ZBTB20: variants seen among roughly 807,000 people sequenced by gnomAD.
The protein encoded by ZBTB20 is zinc finger and BTB domain-containing protein 20.
In ZBTB20, 9 loss-of-function variants were observed where a neutral mutation model predicts 56.9. The ratio of observed to expected loss-of-function variants is 0.16; its 90% CI spans 0.10 to 0.28. ZBTB20 has a LOEUF of 0.28. ZBTB20 is among the 10% of genes least tolerant of loss of function. The pLI is 1.00. For missense variants in ZBTB20, 655 were observed against 1,003.0 expected, an observed-to-expected ratio of 0.65 and a Z score of 4.69; for synonymous variants, 417 against 420.7, an observed-to-expected ratio of 0.99 and a Z score of 0.11.
chr3:114,878,681 C>T (rs1217494191), intron 4 of ZBTB20, among the ~76,000 whole-genome samples: 1 of 151,882 alleles, frequency 6.6e-6, no homozygotes, highest in African/African-American at 2.4e-5. Context: ...TGACTCTTCT[C>T]TCTGTAGCTC....
At chr3:114,786,384 C>T (rs564225193) in intron 5 of ZBTB20, among the ~76,000 whole-genome samples, 8 of 152,018 alleles carry the variant, frequency 5.3e-5, no homozygotes, top group African/African-American at 1.9e-4. Context: ...TGAGTGAGAA[C>T]ATGCGGTGTT....
chr3:114,774,650 C>A (rs752577429), intron 5 of ZBTB20, among the ~76,000 whole-genome samples: 1 of 152,096 alleles, frequency 6.6e-6, no homozygotes, highest in South Asian at 2.1e-4. Flanking sequence ...TAACAAATCT[C>A]GCCAACTCTC....
Position 114,900,351 on chromosome 3 carries a change from T to A in ZBTB20, c.-455-9A>T, listed in dbSNP as rs1396730912. 2 of 27,572 alleles carry A rather than the reference T, an allele frequency of 7.3e-5. No homozygotes were observed. Among genetic ancestry groups the A allele is most frequent in the Non-Finnish European group, 1.9e-4 (2 of 10,726 alleles). 1.7% of individuals were successfully genotyped at this position (27,572 alleles called of 1,614,324 possible). ...CTTGCAATTCATCAATTCTGAAATG[T>A]AAAAGAAATATATAAGTAAAAATTA... On this transcript the variant is annotated splice_polypyrimidine_tract_variant and intron_variant, in intron 3 of 11. Coordinates refer to ENST00000675478, the MANE Select transcript of ZBTB20 (RefSeq NM_001348800.3).
intron 4 of ZBTB20, chr3:114,876,364 C>G (rs1354351241): frequency 1.3e-5 from 2 of 152,104 alleles, no homozygotes; most frequent in Non-Finnish European, 1.5e-5. Context: ...GCAGAAGGAT[C>G]GCTTGAGCCC....
chr3:114,914,949 T>C (rs531830625), intron 3 of ZBTB20, among the ~76,000 whole-genome samples: 3 of 152,018 alleles, frequency 2.0e-5, no homozygotes, highest in East Asian at 1.9e-4. Context: ...TAATGTGTTG[T>C]TGAATTTGGG....
At chr3:114,751,002 G>T (rs1009790890) in intron 5 of ZBTB20, among the ~76,000 whole-genome samples, 1 of 152,096 alleles carries the variant, frequency 6.6e-6, no homozygotes, top group African/African-American at 2.4e-5. Flanking sequence ...TTTTTGAACT[G>T]CATTTTCATT....
chr3:115,083,529 A>G (rs1263911069), intron 1 of ZBTB20, among the ~76,000 whole-genome samples: 1 of 152,074 alleles, frequency 6.6e-6, no homozygotes, highest in Non-Finnish European at 1.5e-5. Context: ...ATAAAACTTA[A>G]ACCTAAGAGT....
Position 114,857,530 on chromosome 3 carries a change from T to C in ZBTB20, c.-417+42774A>G, listed in dbSNP as rs1005462194. On this transcript the variant is annotated intron_variant, in intron 4 of 11. Coordinates refer to ENST00000675478, the MANE Select transcript of ZBTB20 (RefSeq NM_001348800.3). ...CGGAGAGAGGTTAAGGAATTCTTAC[T>C]AGCGCCGTTATCCTATAATTCACCA... 5.3e-5 allele frequency among the ~76,000 whole-genome samples: 8 copies of C among 152,200 alleles called. No individual in the cohort carries two copies. In the South Asian group the frequency reaches 6.2e-4, roughly 12 times the overall value.
chr3:114,846,656 T>G (rs2074720181), intron 4 of ZBTB20, among the ~76,000 whole-genome samples: 1 of 152,252 alleles, frequency 6.6e-6, no homozygotes, highest in Non-Finnish European at 1.5e-5. Flanking sequence ...TTCATTATTT[T>G]GCTATACAAT....
intron 7 of ZBTB20, among the ~76,000 whole-genome samples, chr3:114,422,040 C>T (rs2089224660): frequency 6.6e-6 from 1 of 152,090 alleles, no homozygotes; most frequent in Admixed American, 6.6e-5. Flanking sequence ...TCTTTTATAG[C>T]CTCCCTCCAG....
rs971862493 is a variant in ZBTB20 at position 114,337,575 on chromosome 3, A to G, written c.*1430T>C. ...TTCAGTGGGGCAACTTAAGCTTGCT[A>G]AAGTCAAAGAACTACATATCAAAAT... On this transcript the variant is annotated 3_prime_UTR_variant, in exon 12 of 12. Transcript: ENST00000675478. The G allele has an allele frequency of 6.6e-6, 1 of 152,244 alleles. No homozygotes were observed. Among genetic ancestry groups the G allele is most frequent in the Non-Finnish European group, 1.5e-5 (1 of 68,038 alleles). 9.4% of individuals were successfully genotyped at this position (152,244 alleles called of 1,614,324 possible).
chr3:114,940,214 T>C (rs1560420431), intron 3 of ZBTB20, among the ~76,000 whole-genome samples: 2 of 146,294 alleles, frequency 1.4e-5, no homozygotes, highest in South Asian at 4.3e-4. Flanking sequence ...TAGAATTGTT[T>C]ATAGAAAGTG....
chr3:114,318,339 C>G lies in ZBTB20; in HGVS notation c.*20666G>C, dbSNP rs2078767371. 6.6e-6 allele frequency: 1 copy of G among 152,248 alleles called. No individual in the cohort carries two copies. Among genetic ancestry groups the G allele is most frequent in the Admixed American group, 6.5e-5 (1 of 15,270 alleles). The allele number at this position is 152,248 out of a possible 1,614,324, so 9.4% of individuals were successfully genotyped here. On this transcript the variant is annotated 3_prime_UTR_variant, in exon 12 of 12. Coordinates refer to ENST00000675478, the MANE Select transcript of ZBTB20 (RefSeq NM_001348800.3). ...GCCATTTCCCTCCTTTGGGTCCCTG[C>G]CCCCCTGCTCCCATCCATGGAATGT...
chr3:114,481,624 A>G (rs1267397995), intron 7 of ZBTB20, among the ~76,000 whole-genome samples: 2 of 152,210 alleles, frequency 1.3e-5, no homozygotes, highest in Admixed American at 1.3e-4. Flanking sequence ...TCCAGTCCCA[A>G]TGCATCCTTT....
chr3:114,976,178 A>C (rs1281895343), intron 2 of ZBTB20, among the ~76,000 whole-genome samples: 1 of 152,252 alleles, frequency 6.6e-6, no homozygotes, highest in Non-Finnish European at 1.5e-5. Flanking sequence ...ATAATGTCAT[A>C]TAATTAGTAC....
At chr3:114,960,152 T>C (rs1302049578) in intron 3 of ZBTB20, among the ~76,000 whole-genome samples, 1 of 152,230 alleles carries the variant, frequency 6.6e-6, no homozygotes, top group African/African-American at 2.4e-5. Context: ...AACTAGAATA[T>C]ATAATCTATT....
chr3:114,514,532 T>C (rs2045766753), intron 6 of ZBTB20, among the ~76,000 whole-genome samples: 1 of 152,144 alleles, frequency 6.6e-6, no homozygotes, highest in Non-Finnish European at 1.5e-5. Context: ...TGGTACAGTG[T>C]TATCTGCAAA....
chr3:114,716,155 G>A (rs748045633), intron 5 of ZBTB20, among the ~76,000 whole-genome samples: 3 of 151,986 alleles, frequency 2.0e-5, no homozygotes, highest in African/African-American at 2.4e-5. Flanking sequence ...AAATACACAC[G>A]GGAAAAGCTC....
intron 6 of ZBTB20, among the ~76,000 whole-genome samples, chr3:114,653,403 A>G (rs2108014979): frequency 6.6e-6 from 1 of 151,844 alleles, no homozygotes; most frequent in Admixed American, 6.5e-5. Flanking sequence ...TTTCTTCTTT[A>G]TTAGGATGCA....
Sources: allele counts gnomAD v4.1 joint callset (sites outside exome capture counted in the v4.1 genomes callset), GRCh38; gene constraint gnomAD v4.1.1; transcripts MANE v1.5; gene names NCBI Gene and HGNC (gene_info 2026-07-23, HGNC 2026-07-21).